Variants in TMEM132D observed in about 807,000 individuals in gnomAD.
TMEM132D encodes the protein mature OL transmembrane protein.
A neutral mutation model predicts 62.3 loss-of-function variants in TMEM132D; 21 were observed. The observed-to-expected ratio is 0.34, with a 90% CI of 0.24 to 0.49. The LOEUF (loss-of-function observed/expected upper bound fraction) is 0.49. Ranked by LOEUF, TMEM132D falls within the 20% of genes least tolerant of loss-of-function variation. The pLI, the probability that TMEM132D is intolerant of heterozygous loss-of-function variation, is 0.99. For missense variants in TMEM132D, 1,346 were observed against 1,402.8 expected (o/e 0.96, Z 0.65); for synonymous variants, 621 against 575.6 (o/e 1.08, Z -1.13).
chr12:129,350,677 T>C lies in TMEM132D; in HGVS notation c.1116-12860A>G, dbSNP rs116931838. ...GACAAACTGTTGGGTATGTGGAGAA[T>C]TGCCACTTTCCTCCACTTCCAGTTG... On this transcript the variant is annotated intron_variant, in intron 3 of 8. Transcript: ENST00000422113. Among the ~76,000 whole-genome samples the C allele has an allele frequency of 5.2e-4, 79 of 152,304 alleles. 2 individuals carry two copies. In the East Asian group the frequency reaches 0.015, roughly 29 times the overall value.
chr12:129,504,027 TGTC>T (rs1323541140), intron 3 of TMEM132D, among the ~76,000 whole-genome samples: 1 of 151,550 alleles, frequency 6.6e-6, no homozygotes, highest in Non-Finnish European at 1.5e-5. Flanking sequence ...TCATCACTAT[TGTC>T]ATCATCATTA....
intron 1 of TMEM132D, among the ~76,000 whole-genome samples, chr12:129,837,151 CAT>C (rs1374805053): frequency 6.6e-6 from 1 of 152,156 alleles, no homozygotes; most frequent in African/African-American, 2.4e-5. Context: ...CAGGCAGTAA[CAT>C]ATGTGTTACC....
chr12:129,479,174 T>C (rs1305435016), intron 3 of TMEM132D, among the ~76,000 whole-genome samples: 1 of 152,202 alleles, frequency 6.6e-6, no homozygotes, highest in African/African-American at 2.4e-5. Context: ...GGGCTGATGC[T>C]TAATCAATGG....
chr12:129,335,967 T>C (rs1324752865), intron 4 of TMEM132D, among the ~76,000 whole-genome samples: 1 of 152,168 alleles, frequency 6.6e-6, no homozygotes, highest in Non-Finnish European at 1.5e-5. Flanking sequence ...ATGGCTGGCA[T>C]CCCAGCAGCT....
At chr12:129,381,966 G>A (rs1566051307) in intron 3 of TMEM132D, among the ~76,000 whole-genome samples, 1 of 152,184 alleles carries the variant, frequency 6.6e-6, no homozygotes, top group Non-Finnish European at 1.5e-5. Context: ...GTATGCTCCT[G>A]TGATTGGCTT....
chr12:129,075,175 T>G, intron 8 of TMEM132D, 116 bp from the exon 9 acceptor site: 1 of 779,830 alleles, frequency 1.3e-6, no homozygotes. Context: ...AAGACAAACC[T>G]TTCAAACAGT....
intron 1 of TMEM132D, among the ~76,000 whole-genome samples, chr12:129,881,295 A>G (rs1874588755): frequency 6.6e-6 from 1 of 152,054 alleles, no homozygotes; most frequent in African/African-American, 2.4e-5. Context: ...AGTAATAGAA[A>G]ATATACATAA....
intron 1 of TMEM132D, among the ~76,000 whole-genome samples, chr12:129,808,817 C>CT (rs11404670): frequency 0.15 from 22,667 of 148,264 alleles, 2,167 homozygotes; most frequent in African/African-American, 0.27. Context: ...TGAGTGAATA[C>CT]TTTTTTTTTT....
intron 1 of TMEM132D, among the ~76,000 whole-genome samples, chr12:129,863,792 T>TG (rs927909918): frequency 1.6e-4 from 25 of 151,736 alleles, no homozygotes; most frequent in South Asian, 6.3e-4. Context: ...TTTGTTTTTT[T>TG]GGGGGGGGCA....
At chr12:129,129,780 G>A (rs568438674) in intron 5 of TMEM132D, among the ~76,000 whole-genome samples, 31 of 152,074 alleles carry the variant, frequency 2.0e-4, no homozygotes, top group Non-Finnish European at 3.5e-4. Flanking sequence ...TTGGCCGCTC[G>A]TATGTCTTCT....
At chr12:129,742,131 G>A (rs1056122814) in intron 1 of TMEM132D, among the ~76,000 whole-genome samples, 2 of 152,182 alleles carry the variant, frequency 1.3e-5, no homozygotes, top group African/African-American at 2.4e-5. Context: ...CCAATGAAAC[G>A]AGTTTTAAGG....
chr12:129,346,085 G>A (rs963886538), intron 3 of TMEM132D, among the ~76,000 whole-genome samples: 1 of 152,024 alleles, frequency 6.6e-6, no homozygotes, highest in Non-Finnish European at 1.5e-5. Context: ...TTTTTGGTTG[G>A]TAGGCTATTA....
intron 1 of TMEM132D, among the ~76,000 whole-genome samples, chr12:129,733,528 C>T (rs1869319475): frequency 1.3e-5 from 2 of 152,226 alleles, no homozygotes; most frequent in Admixed American, 6.5e-5. Context: ...GCCCCCATCA[C>T]ACTCTGCCAA....
chr12:129,753,505 A>G (rs1870067024), intron 1 of TMEM132D, among the ~76,000 whole-genome samples: 1 of 152,198 alleles, frequency 6.6e-6, no homozygotes, highest in Admixed American at 6.5e-5. Context: ...TGCAGCCCCA[A>G]TCCTGGACTT....
At chr12:129,568,671 C>T (rs1877432385) in intron 2 of TMEM132D, among the ~76,000 whole-genome samples, 1 of 152,170 alleles carries the variant, frequency 6.6e-6, no homozygotes, top group Admixed American at 6.5e-5. Context: ...GCAACACAAA[C>T]TTCTTATGTT....
chr12:129,170,888 T>C (rs1877705827), intron 5 of TMEM132D, among the ~76,000 whole-genome samples: 1 of 151,982 alleles, frequency 6.6e-6, no homozygotes, highest in Non-Finnish European at 1.5e-5. Context: ...TGGTGGAGGG[T>C]CTTGCCTTGA....
Position 129,565,922 on chromosome 12 carries a change from T to C in TMEM132D, c.969-34717A>G, listed in dbSNP as rs78555173. Among the ~76,000 whole-genome samples the C allele has an allele frequency of 1.5e-3, 228 of 152,354 alleles. 3 individuals carry two copies. In the East Asian group the frequency reaches 0.022, roughly 15 times the overall value. ...GTGCCAGTTTCACTTAGGGATGTCCTTGAAGATGCAGTAAACATTATTACT... is the reference window on the plus strand; with the variant it reads ...GTGCCAGTTTCACTTAGGGATGTCCCTGAAGATGCAGTAAACATTATTACT... On this transcript the variant is annotated intron_variant, in intron 2 of 8. Transcript: ENST00000422113.
At chr12:129,221,218 C>T (rs759952657) in intron 4 of TMEM132D, among the ~76,000 whole-genome samples, 1 of 152,150 alleles carries the variant, frequency 6.6e-6, no homozygotes, top group Non-Finnish European at 1.5e-5. Flanking sequence ...CAAGGAGGCT[C>T]TGTGTTCCAG....
chr12:129,321,710 C>T (rs974612676), intron 4 of TMEM132D, among the ~76,000 whole-genome samples: 7 of 152,058 alleles, frequency 4.6e-5, no homozygotes, highest in Admixed American at 2.0e-4. Flanking sequence ...AGGCGCCCGC[C>T]ACCACGCCCA....
Sources: allele counts gnomAD v4.1 joint callset (sites outside exome capture counted in the v4.1 genomes callset), GRCh38; gene constraint gnomAD v4.1.1; transcripts MANE v1.5; gene names NCBI Gene and HGNC (gene_info 2026-07-23, HGNC 2026-07-21).